EDIL3: variants seen among roughly 807,000 people sequenced by gnomAD.
The protein encoded by EDIL3 is EGF-like repeat and discoidin I-like domain-containing protein 3.
A neutral mutation model predicts 67.4 loss-of-function variants in EDIL3; 37 were observed. The observed-to-expected ratio is 0.55, with a 90% confidence interval of 0.42 to 0.72. The LOEUF (loss-of-function observed/expected upper bound fraction) is 0.72, where lower values mean the gene tolerates loss of function less well. EDIL3 is among the 30% of genes least tolerant of loss of function. The pLI, the probability that EDIL3 is intolerant of heterozygous loss-of-function variation, is 0.00. For missense variants in EDIL3, 527 were observed against 586.3 expected (o/e 0.90, Z 1.04); for synonymous variants, 195 against 196.3 (o/e 0.99, Z 0.05).
chr5:84,352,850 T>C lies in EDIL3; in HGVS notation c.67+31458A>G, dbSNP rs187894732. Among the ~76,000 whole-genome samples, 10 of 152,168 alleles carry C rather than the reference T, an allele frequency of 6.6e-5. No individual in the cohort carries two copies. The East Asian group carries it at 1.2e-3, about 18-fold the overall frequency. ...TGTGATACAATGGCCCAAAAAATAA[T>C]AAAAATGAAATAAATAAGATTTTAA... On this transcript the variant is annotated intron_variant, in intron 1 of 10. Coordinates refer to ENST00000296591, the MANE Select transcript of EDIL3 (RefSeq NM_005711.5).
At chr5:84,192,590 T>C (rs1743615876) in intron 3 of EDIL3, among the ~76,000 whole-genome samples, 1 of 152,008 alleles carries the variant, frequency 6.6e-6, no homozygotes, top group South Asian at 2.1e-4. Context: ...AGTTTTTCTA[T>C]TACCATGTTA....
chr5:84,303,808 CTGTGTGTGTG>C (rs199605264), intron 1 of EDIL3, among the ~76,000 whole-genome samples: 2,542 of 135,408 alleles, frequency 0.019, 30 homozygotes, highest in African/African-American at 0.026. Flanking sequence ...CTCTCTCTCT[CTGTGTGTGTG>C]TGTGTGTGTG....
chr5:84,196,709 A>T (rs1743717192), intron 3 of EDIL3, among the ~76,000 whole-genome samples: 1 of 152,036 alleles, frequency 6.6e-6, no homozygotes, highest in Non-Finnish European at 1.5e-5. Context: ...CTTATTCAAT[A>T]TCGATCAAAA....
At chr5:84,229,600 A>G (rs749355305) in intron 3 of EDIL3, among the ~76,000 whole-genome samples, 1 of 151,736 alleles carries the variant, frequency 6.6e-6, no homozygotes, top group Non-Finnish European at 1.5e-5. Context: ...TTTAATGTCA[A>G]TGTGCTATTT....
At chr5:84,028,464 A>G (rs1201534823) in intron 9 of EDIL3, among the ~76,000 whole-genome samples, 1 of 152,180 alleles carries the variant, frequency 6.6e-6, no homozygotes, top group Non-Finnish European at 1.5e-5. Context: ...TGATTCTACC[A>G]TACGTTAGTC....
intron 6 of EDIL3, among the ~76,000 whole-genome samples, chr5:84,069,538 TTTTTA>T (rs1447167228): frequency 1.3e-5 from 2 of 152,162 alleles, no homozygotes; most frequent in African/African-American, 2.4e-5. Flanking sequence ...TAGAACATGT[TTTTTA>T]TTTTAAGTTT....
chr5:84,117,106 C>A (rs1350582430), intron 5 of EDIL3, among the ~76,000 whole-genome samples: 1 of 142,270 alleles, frequency 7.0e-6, no homozygotes. Context: ...CGGCTCACTG[C>A]AAGCTCCGCC....
At position 84,066,493 on chromosome 5, in the gene EDIL3, C is replaced by T; in HGVS notation, c.765G>A (p.Lys255=). ...SYKIAYSNDG[K]TWAMYKVKGT... ...CTTTCACTTTGTACATTGCCCAAGT[C>T]TTTCCATCATTACTGTAGGCAATTT... is the stretch of plus-strand genomic sequence containing the variant. The change falls in exon 7 of 11, where the codon AAG becomes AAA. Residue 255 remains lysine, a synonymous_variant. Transcript: ENST00000296591. 1 of 1,613,030 alleles carries T rather than the reference C, an allele frequency of 6.2e-7. No homozygotes were observed. Among genetic ancestry groups the T allele is most frequent in the Non-Finnish European group, 8.5e-7 (1 of 1,179,686 alleles).
At chr5:83,969,975 A>G (rs1393833782) in intron 9 of EDIL3, among the ~76,000 whole-genome samples, 1 of 151,652 alleles carries the variant, frequency 6.6e-6, no homozygotes, top group Admixed American at 6.6e-5. Flanking sequence ...GTGGTATAGA[A>G]AACTAGAAAT....
At chr5:83,963,977 C>A (rs1198527024) in intron 9 of EDIL3, among the ~76,000 whole-genome samples, 3 of 151,686 alleles carry the variant, frequency 2.0e-5, no homozygotes, top group Non-Finnish European at 4.4e-5. Context: ...AGGAGGAAGG[C>A]AAATATTCTT....
chr5:84,010,460 C>A (rs1412632215), intron 9 of EDIL3, among the ~76,000 whole-genome samples: 1 of 152,042 alleles, frequency 6.6e-6, no homozygotes, highest in East Asian at 1.9e-4. Context: ...CTGTTCTATT[C>A]TCTTCCAAAA....
intron 1 of EDIL3, among the ~76,000 whole-genome samples, chr5:84,312,576 C>T (rs1746427562): frequency 6.9e-6 from 1 of 145,794 alleles, no homozygotes; most frequent in East Asian, 2.0e-4. Context: ...CCCCCACCAC[C>T]CTCCCGGACG....
At chr5:84,212,263 C>T (rs113698168) in intron 3 of EDIL3, among the ~76,000 whole-genome samples, 1,580 of 152,154 alleles carry the variant, frequency 0.01, 33 homozygotes, top group African/African-American at 0.036. Context: ...AACAAGTGTC[C>T]TTCTAAGAAA....
intron 10 of EDIL3, among the ~76,000 whole-genome samples, chr5:83,949,409 T>C (rs543980336): frequency 1.3e-5 from 2 of 151,844 alleles, no homozygotes; most frequent in Admixed American, 1.3e-4. Flanking sequence ...ATGTCCCAGT[T>C]TGTGAAAATA....
intron 1 of EDIL3, among the ~76,000 whole-genome samples, chr5:84,272,531 A>G (rs889387534): frequency 3.9e-5 from 6 of 152,162 alleles, no homozygotes; most frequent in African/African-American, 1.4e-4. Context: ...GTGTAGGTAT[A>G]TATATGCACA....
intron 1 of EDIL3, among the ~76,000 whole-genome samples, chr5:84,334,760 C>A (rs1670689235): frequency 6.6e-6 from 1 of 151,986 alleles, no homozygotes; most frequent in South Asian, 2.1e-4. Flanking sequence ...TTTCTTCTAT[C>A]TTCCTAAAGT....
chr5:84,198,491 T>C (rs894801852), intron 3 of EDIL3, among the ~76,000 whole-genome samples: 1 of 152,070 alleles, frequency 6.6e-6, no homozygotes, highest in Non-Finnish European at 1.5e-5. Flanking sequence ...TATAACAAGC[T>C]TAAAAAGTCT....
intron 9 of EDIL3, among the ~76,000 whole-genome samples, chr5:83,966,121 G>A (rs1161615948): frequency 2.0e-5 from 3 of 152,030 alleles, no homozygotes; most frequent in African/African-American, 7.2e-5. Flanking sequence ...GGTGAAAGTT[G>A]AGCTGCAAAT....
intron 9 of EDIL3, among the ~76,000 whole-genome samples, chr5:84,056,664 G>A (rs373962018): frequency 9.2e-5 from 14 of 151,958 alleles, no homozygotes; most frequent in Middle Eastern, 3.4e-3. Context: ...CCATTAGAGC[G>A]TCACATTTTT....
Sources: allele counts gnomAD v4.1 joint callset (sites outside exome capture counted in the v4.1 genomes callset), GRCh38; gene constraint gnomAD v4.1.1; transcripts MANE v1.5; gene names NCBI Gene and HGNC (gene_info 2026-07-23, HGNC 2026-07-21).